Variants in INTS1 observed in about 807,000 individuals in gnomAD.
The protein encoded by INTS1 is integrator complex subunit 1.
INTS1 carries 137 observed loss-of-function variants against 241.6 expected under a neutral mutation model. The observed-to-expected ratio is 0.57, with a 90% CI of 0.49 to 0.65. The LOEUF is 0.65. Ranked by LOEUF, INTS1 falls within the 30% of genes least tolerant of loss-of-function variation. The pLI is 0.00. For synonymous variants in INTS1, 1,692 were observed against 1,337.8 expected (o/e 1.26, Z -5.78); for missense variants, 3,073 against 3,032.2 (o/e 1.01, Z -0.32).
Position 1,496,214 on chromosome 7 carries a change from C to T in INTS1, c.1653G>A (p.Leu551=), listed in dbSNP as rs1351183745. ...ITDVLAVSMM[L]GITAQVKEAG... ...CCTCCTTCACCTGCGCTGTGATGCC[C>T]AGCATCATGGACACGGCCAGGACGT... The change falls in exon 12 of 48, where the codon CTG becomes CTA. Residue 551 remains leucine (L), a synonymous_variant. Coordinates refer to ENST00000404767, the MANE Select transcript of INTS1 (RefSeq NM_001080453.3). 6.2e-7 allele frequency: 1 copy of T among 1,613,886 alleles called. No homozygotes were observed. The highest frequency in any genetic ancestry group is 8.5e-7 in the Non-Finnish European group (1 of 1,179,830).
At chr7:1,491,497 C>T (rs1782544850) in intron 16 of INTS1, among the ~76,000 whole-genome samples, 1 of 152,218 alleles carries the variant, frequency 6.6e-6, no homozygotes, top group Non-Finnish European at 1.5e-5. Context: ...TGACAGAAAA[C>T]ACAGAATTAA....
Position 1,497,042 on chromosome 7 carries a change from G to T in INTS1, c.1602+96C>A. On this transcript the variant is annotated intron_variant, in intron 11 of 47. Transcript: ENST00000404767. This position sits in a 1 kb window ranked among gnomAD's most constrained non-coding sequence, Gnocchi z 5.3. ...GTACCCACGCTCAGCCAGAGCATCC[G>T]AAGGGGTGGAGTGTGCATGGGACCC... 7.9e-7 allele frequency: 1 copy of T among 1,261,868 alleles called. No individual in the cohort carries two copies. Among genetic ancestry groups the T allele is most frequent in the Non-Finnish European group, 1.1e-6 (1 of 933,548 alleles). The allele number at this position is 1,261,868 out of a possible 1,614,324, so 78.2% of individuals were successfully genotyped here. A position where few individuals can be genotyped will look rare whatever the true frequency, so the allele number is the denominator to read the frequency against.
chr7:1,500,734 A>G (rs931531150), intron 3 of INTS1, among the ~76,000 whole-genome samples: 2 of 152,142 alleles, frequency 1.3e-5, no homozygotes, highest in Non-Finnish European at 1.5e-5. Flanking sequence ...ACCGCAGCAC[A>G]GTGGCCCTCT....
Position 1,493,177 on chromosome 7 carries a change from GGCC to G in INTS1, c.2069-74_2069-72del. The G allele has an allele frequency of 1.5e-6, 2 of 1,321,084 alleles. No individual in the cohort carries two copies. Among genetic ancestry groups the G allele is most frequent in the South Asian group, 2.4e-5 (2 of 82,926 alleles). 81.8% of individuals were successfully genotyped at this position (1,321,084 alleles called of 1,614,324 possible). A position where few individuals can be genotyped will look rare whatever the true frequency, so the allele number is the denominator to read the frequency against. ...ATCAGGCACAGGCAGCGAGGGAACC[GGCC>G]CTGCTCGGGCCGCGTCGGGGTGGGG... On this transcript the variant is annotated intron_variant, in intron 15 of 47. Coordinates refer to ENST00000404767, the MANE Select transcript of INTS1 (RefSeq NM_001080453.3). The surrounding 1 kb of genome is among the most constrained non-coding windows in gnomAD (Gnocchi z 5.3).
rs1367297150 is a variant in INTS1, at chr7:1,496,179, G to A, written c.1688C>T (p.Ala563Val). 2 of 1,613,804 alleles carry A rather than the reference G, an allele frequency of 1.2e-6. No individual in the cohort carries two copies. The highest frequency in any genetic ancestry group is 8.5e-7 in the Non-Finnish European group (1 of 1,179,768). Residue 563 changes from alanine to valine, a missense_variant, in exon 12 of 48, where the codon GCC becomes GTC. By Grantham distance (64) the Ala-to-Val change is moderately conservative. Coordinates refer to ENST00000404767, the MANE Select transcript of INTS1 (RefSeq NM_001080453.3). Reference protein sequence around the residue: ...ITAQVKEAGIAWDKGEKRNLE... With the variant: ...ITAQVKEAGIVWDKGEKRNLE... ...ACTCCTCTTTTCTCCTTTGTCCCAG[G>A]CGATGCCGGCCTCCTTCACCTGCGC...
chr7:1,499,885 T>C lies in INTS1; in HGVS notation c.683A>G (p.Lys228Arg), dbSNP rs373268222. Residue 228 changes from lysine to arginine, a missense_variant and splice_region_variant, in exon 5 of 48, where the codon AAG becomes AGG. Lys to Arg is a conservative substitution (Grantham distance 26). Transcript: ENST00000404767. ...EDENWPEIFVKVYIEDSLGER... is the reference protein window; with the variant it reads ...EDENWPEIFVRVYIEDSLGER... ...ACCGTCCCGGGAGAGGACGCTCACC[T>C]TGACAAAGATCTCGGGCCAGTTCTC... is the stretch of plus-strand genomic sequence containing the variant. 3.1e-6 allele frequency: 5 copies of C among 1,612,062 alleles called. No homozygotes were observed. Among genetic ancestry groups the C allele is most frequent in the African/African-American group, 1.3e-5 (1 of 74,912 alleles).
intron 41 of INTS1, 92 bp downstream of exon 41, chr7:1,474,076 C>G (rs1324728563): frequency 7.3e-7 from 1 of 1,368,536 alleles, no homozygotes; most frequent in African/African-American, 1.5e-5. Context: ...CTGCAGAGGT[C>G]CTCCCAGTCC....
chr7:1,477,898 C>T lies in INTS1; in HGVS notation c.4669G>A (p.Glu1557Lys). 1 of 1,612,622 alleles carries T rather than the reference C, an allele frequency of 6.2e-7. No homozygotes were observed. The highest frequency in any genetic ancestry group is 8.5e-7 in the Non-Finnish European group (1 of 1,179,832). Residue 1557 changes from glutamate to lysine, a missense_variant, in exon 34 of 48, where the codon GAG (glutamate) becomes AAG (lysine). Glu to Lys is a moderately conservative substitution (Grantham distance 56). Coordinates refer to ENST00000404767, the MANE Select transcript of INTS1 (RefSeq NM_001080453.3). ...GLIEVRSPHL[E>K]ELLTAFFSAT... ...GAGAAGAATGCAGTCAGCAGCTCCT[C>T]CAGGTGGGGGGACCTCACCTCGATC...
At chr7:1,485,515 C>A in intron 22 of INTS1, 46 bp from the exon 23 acceptor site, 7 of 1,587,052 alleles carry the variant, frequency 4.4e-6, no homozygotes, top group Non-Finnish European at 6.0e-6. Flanking sequence ...GCAGTGCAGG[C>A]AGGGTCTCAC....
rs1584265678 is a variant in INTS1 at position 1,478,514 on chromosome 7, A to T, written c.4490-8T>A. 3 of 1,608,226 alleles carry T rather than the reference A, an allele frequency of 1.9e-6. No homozygotes were observed. The highest frequency in any genetic ancestry group is 2.5e-6 in the Non-Finnish European group (3 of 1,178,416). ...GCAGGAGCCCCCCTCGCACTGTGGG[A>T]GGTCTGTGTGAGTGCCCTGTGGCTC... On this transcript the variant is annotated splice_region_variant and splice_polypyrimidine_tract_variant and intron_variant, in intron 32 of 47. Transcript: ENST00000404767.
chr7:1,498,413 T>C lies in INTS1; in HGVS notation c.1424A>G (p.Lys475Arg), dbSNP rs766734033. Reference protein sequence around the residue: ...ALQHSSELAPKFLAMVFQDLL... With the variant: ...ALQHSSELAPRFLAMVFQDLL... ...CAAGGCCAGGGACCCTGGGCCTACCTTGGGCGCCAGCTCTGAGCTGTGCTG... is the reference window on the plus strand; with the variant it reads ...CAAGGCCAGGGACCCTGGGCCTACCCTGGGCGCCAGCTCTGAGCTGTGCTG... Residue 475 changes from lysine (K) to arginine (R), a missense_variant and splice_region_variant, in exon 10 of 48, where the codon AAG (lysine) becomes AGG (arginine). Coordinates refer to ENST00000404767, the MANE Select transcript of INTS1 (RefSeq NM_001080453.3). 3.1e-6 allele frequency: 5 copies of C among 1,613,676 alleles called. No homozygotes were observed. In the Admixed American group the frequency reaches 8.3e-5, roughly 27 times the overall value.
At position 1,471,230 on chromosome 7, in the gene INTS1, C is replaced by CG. The variant is rs761832765; in HGVS notation, c.6256-7dup. 2 of 1,571,720 alleles carry CG rather than the reference C, an allele frequency of 1.3e-6. No homozygotes were observed. Among genetic ancestry groups the CG allele is most frequent in the South Asian group, 2.3e-5 (2 of 85,478 alleles). On this transcript the variant is annotated splice_region_variant and splice_polypyrimidine_tract_variant and intron_variant, in intron 45 of 47. Coordinates refer to ENST00000404767, the MANE Select transcript of INTS1 (RefSeq NM_001080453.3). ...ATCAGCCGCTGCAGGTTGGTCTGAC[C>CG]GGGGGAAAGGTGGGAGGTGTGTGAC...
rs778937447 is a variant in INTS1, at chr7:1,502,933, G to A, written c.317C>T (p.Ser106Leu). The change falls in exon 3 of 48, where the codon TCG (serine) becomes TTG (leucine). Residue 106 changes from serine to leucine, a missense_variant. Ser to Leu is a moderately radical substitution (Grantham distance 145, BLOSUM62 -2). Transcript: ENST00000404767. ...TGGCACCACAGATGGCTCTTTAATCGACGGAGAAATGGCTCGTTTTTCTGC... is the reference window on the plus strand; with the variant it reads ...TGGCACCACAGATGGCTCTTTAATCAACGGAGAAATGGCTCGTTTTTCTGC... ...AVAEKRAISPSIKEPSVVPIE... is the reference protein window; with the variant it reads ...AVAEKRAISPLIKEPSVVPIE... The A allele has an allele frequency of 3.7e-6, 6 of 1,613,812 alleles. No homozygotes were observed. Among genetic ancestry groups the A allele is most frequent in the Middle Eastern group, 1.6e-4 (1 of 6,062 alleles).
chr7:1,504,084 G>C (rs553066980), intron 1 of INTS1, 83 bp from the exon 2 acceptor site: 5 of 743,890 alleles, frequency 6.7e-6, no homozygotes, highest in African/African-American at 1.9e-5. Flanking sequence ...CACGGGGCTT[G>C]GGCCTGGGAC....
At chr7:1,499,687 G>C in intron 5 of INTS1, 55 bp from the exon 6 acceptor site, 1 of 1,545,212 alleles carries the variant, frequency 6.5e-7, no homozygotes, top group Non-Finnish European at 8.8e-7. Flanking sequence ...AGCCAGGTTG[G>C]GGAACACCCG....
rs992949895 is a variant in INTS1 at position 1,493,591 on chromosome 7, C to T, written c.2068+163G>A. On this transcript the variant is annotated intron_variant, in intron 15 of 47. Transcript: ENST00000404767. This position sits in a 1 kb window ranked among gnomAD's most constrained non-coding sequence, Gnocchi z 5.3. Reference sequence around the variant, plus strand: ...TACACGCACGCTTCTGAATTCCCAACGGCAGATGTGGAGAAGGCAGGTCCC... The same window carrying T: ...TACACGCACGCTTCTGAATTCCCAATGGCAGATGTGGAGAAGGCAGGTCCC... Among the ~76,000 whole-genome samples the T allele has an allele frequency of 3.9e-5, 6 of 151,986 alleles. No individual in the cohort carries two copies. Among genetic ancestry groups the T allele is most frequent in the South Asian group, 2.1e-4 (1 of 4,810 alleles).
chr7:1,486,822 G>T, intron 21 of INTS1, 48 bp from the exon 22 acceptor site: 1 of 1,603,852 alleles, frequency 6.2e-7, no homozygotes. Flanking sequence ...AGGCCAGGCG[G>T]GTAGGACGTG....
intron 31 of INTS1, among the ~76,000 whole-genome samples, 198 bp downstream of exon 31, chr7:1,479,232 C>A (rs1486744042): frequency 1.3e-5 from 2 of 152,234 alleles, no homozygotes; most frequent in African/African-American, 4.8e-5. Flanking sequence ...GGACGCCGCA[C>A]TGCCCCCACC....
At chr7:1,480,647 C>A (rs1781949084) in intron 29 of INTS1, among the ~76,000 whole-genome samples, 188 bp downstream of exon 29, 1 of 152,168 alleles carries the variant, frequency 6.6e-6, no homozygotes. Flanking sequence ...TGCATGCTGG[C>A]CAGAGGCAAA....
Sources: allele counts gnomAD v4.1 joint callset (sites outside exome capture counted in the v4.1 genomes callset), GRCh38; gene constraint gnomAD v4.1.1; non-coding constraint Gnocchi (gnomAD v3.1); transcripts MANE v1.5; gene names NCBI Gene and HGNC (gene_info 2026-07-23, HGNC 2026-07-21).